Variants in CNTNAP2 observed in about 807,000 individuals in gnomAD.
CNTNAP2 encodes the protein contactin-associated protein-like 2.
A neutral mutation model predicts 155.2 loss-of-function variants in CNTNAP2; 98 were observed. The observed-to-expected ratio is 0.63, with a 90% CI of 0.54 to 0.75. The LOEUF is 0.75. Among genes scored for constraint, CNTNAP2 ranks in the 30% least tolerant of loss-of-function variants. CNTNAP2 has a pLI of 0.00. For synonymous variants in CNTNAP2, 651 were observed against 631.2 expected, an observed-to-expected ratio of 1.03 and a Z score of -0.47; for missense variants, 1,727 against 1,688.1, an observed-to-expected ratio of 1.02 and a Z score of -0.40.
rs570362582 is a variant in CNTNAP2, at chr7:146,586,415, C to T, written c.98-187856C>T. The stretch of plus-strand genomic sequence containing the variant: ...CAAAATCTCTACCTACTGAAAACTT[C>T]TAAAGGTAGGAGAGAGTATAGAGCC... On this transcript the variant is annotated intron_variant, in intron 1 of 23. Coordinates refer to ENST00000361727, the MANE Select transcript of CNTNAP2 (RefSeq NM_014141.6). Among the ~76,000 whole-genome samples, 4 of 152,234 alleles carry T rather than the reference C, an allele frequency of 2.6e-5. No individual in the cohort carries two copies. The East Asian group carries it at 7.7e-4, about 29-fold the overall frequency.
intron 13 of CNTNAP2, among the ~76,000 whole-genome samples, chr7:147,692,822 T>C (rs1796107662): frequency 6.6e-6 from 1 of 152,088 alleles, no homozygotes; most frequent in South Asian, 2.1e-4. Flanking sequence ...GACATGCTCC[T>C]TCACAGAGCA....
intron 11 of CNTNAP2, among the ~76,000 whole-genome samples, chr7:147,495,884 T>C (rs1245245338): frequency 2.0e-5 from 3 of 152,176 alleles, no homozygotes; most frequent in Non-Finnish European, 4.4e-5. Context: ...CACCTCTATT[T>C]ACAGCCACTC....
chr7:147,726,351 C>T (rs1796642473), intron 13 of CNTNAP2, among the ~76,000 whole-genome samples: 1 of 151,892 alleles, frequency 6.6e-6, no homozygotes, highest in Non-Finnish European at 1.5e-5. Context: ...TGTAACTGAA[C>T]CCAGGACTGG....
chr7:146,664,327 A>G (rs537371704), intron 1 of CNTNAP2, among the ~76,000 whole-genome samples: 12 of 151,708 alleles, frequency 7.9e-5, no homozygotes, highest in African/African-American at 2.7e-4. Context: ...ATGCCGGGCT[A>G]ATTTTGTATT....
chr7:148,121,313 G>A (rs565832534), intron 16 of CNTNAP2, among the ~76,000 whole-genome samples: 15 of 152,276 alleles, frequency 9.9e-5, no homozygotes, highest in South Asian at 6.2e-4. Flanking sequence ...GATTACAGGC[G>A]TGAGCCACCA....
At chr7:147,648,965 C>T (rs184627537) in intron 13 of CNTNAP2, among the ~76,000 whole-genome samples, 4 of 152,298 alleles carry the variant, frequency 2.6e-5, no homozygotes, top group East Asian at 3.9e-4. Flanking sequence ...TTGTACCCAC[C>T]CTCATCTCTT....
At position 147,203,672 on chromosome 7, in the gene CNTNAP2, G is replaced by A. The variant is rs192586565; in HGVS notation, c.1348+71163G>A. ...TTAAAGTAAATACCTTCCAATGTTT[G>A]CTTTTGCATTAATATTACCATGGGT... On this transcript the variant is annotated intron_variant, in intron 8 of 23. Transcript: ENST00000361727. Among the ~76,000 whole-genome samples the A allele has an allele frequency of 3.4e-3, 512 of 152,150 alleles. 1 individual carries two copies. The highest frequency in any genetic ancestry group is 6.8e-3 in the Middle Eastern group (2 of 294).
At chr7:146,223,313 C>G (rs914820021) in intron 1 of CNTNAP2, among the ~76,000 whole-genome samples, 1 of 152,150 alleles carries the variant, frequency 6.6e-6, no homozygotes, top group African/African-American at 2.4e-5. Flanking sequence ...TCCCTAGATT[C>G]TGACTAAGTT....
intron 1 of CNTNAP2, among the ~76,000 whole-genome samples, chr7:146,561,680 C>G (rs541196394): frequency 1.8e-4 from 27 of 152,230 alleles, no homozygotes; most frequent in African/African-American, 6.3e-4. Flanking sequence ...GAAGAAACTC[C>G]ACAAAATCAC....
At chr7:147,189,603 A>G (rs1202591274) in intron 8 of CNTNAP2, among the ~76,000 whole-genome samples, 1 of 152,204 alleles carries the variant, frequency 6.6e-6, no homozygotes, top group Non-Finnish European at 1.5e-5. Flanking sequence ...ACACATCTGT[A>G]TGCATACATT....
At chr7:147,170,888 C>T (rs570220417) in intron 8 of CNTNAP2, among the ~76,000 whole-genome samples, 5 of 152,252 alleles carry the variant, frequency 3.3e-5, no homozygotes, top group South Asian at 4.1e-4. Flanking sequence ...GCCTCAGTGC[C>T]GTGGGGAAGC....
chr7:148,353,119 G>A (rs1585299526), intron 21 of CNTNAP2, among the ~76,000 whole-genome samples: 2 of 152,254 alleles, frequency 1.3e-5, no homozygotes, highest in East Asian at 3.8e-4. Flanking sequence ...AGCCCCGGCA[G>A]CCTGCTCCAA....
chr7:147,473,956 G>A (rs376804923), intron 10 of CNTNAP2, among the ~76,000 whole-genome samples: 1 of 152,088 alleles, frequency 6.6e-6, no homozygotes, highest in Non-Finnish European at 1.5e-5. Context: ...GCACATGCCT[G>A]TAATCCCAGC....
intron 11 of CNTNAP2, among the ~76,000 whole-genome samples, chr7:147,512,980 A>G (rs1799048054): frequency 6.6e-6 from 1 of 152,192 alleles, no homozygotes; most frequent in South Asian, 2.1e-4. Flanking sequence ...CTAAACAGAA[A>G]ATAAAACTAA....
At chr7:147,243,763 G>T (rs985101623) in intron 8 of CNTNAP2, among the ~76,000 whole-genome samples, 6 of 151,876 alleles carry the variant, frequency 4.0e-5, no homozygotes, top group Non-Finnish European at 8.8e-5. Flanking sequence ...TCCATTATCT[G>T]GTTAACATAT....
At chr7:146,648,930 T>C (rs1799860052) in intron 1 of CNTNAP2, among the ~76,000 whole-genome samples, 1 of 152,108 alleles carries the variant, frequency 6.6e-6, no homozygotes. Flanking sequence ...ATATTAAATC[T>C]AATTGTTGGC....
chr7:147,475,736 A>G (rs968107932), intron 10 of CNTNAP2, among the ~76,000 whole-genome samples: 2 of 152,126 alleles, frequency 1.3e-5, no homozygotes, highest in South Asian at 2.1e-4. Context: ...GTATTCCACC[A>G]TACCTTATTA....
At chr7:146,284,425 C>G (rs1321994940) in intron 1 of CNTNAP2, among the ~76,000 whole-genome samples, 1 of 151,962 alleles carries the variant, frequency 6.6e-6, no homozygotes, top group African/African-American at 2.4e-5. Context: ...GTTTTCCCCA[C>G]TATATAAATG....
At chr7:148,364,952 C>A (rs982343889) in intron 21 of CNTNAP2, among the ~76,000 whole-genome samples, 33 of 152,200 alleles carry the variant, frequency 2.2e-4, no homozygotes, top group Non-Finnish European at 4.3e-4. Flanking sequence ...CCTCAGCCAG[C>A]AAGACCACGA....
Sources: gnomAD v4.1 joint callset for allele counts (sites outside exome capture counted in the v4.1 genomes callset) on GRCh38, gnomAD v4.1.1 for gene constraint, MANE v1.5 for transcripts, NCBI Gene and HGNC (gene_info 2026-07-23, HGNC 2026-07-21) for gene names.